Variants in NEGR1 observed in about 807,000 individuals in gnomAD.
NEGR1 encodes neuronal growth regulator 1, also known as IgLON family member 4.
NEGR1 carries 10 observed loss-of-function variants against 40.9 expected under a neutral mutation model. The observed-to-expected ratio is 0.24, with a 90% CI of 0.15 to 0.42. The LOEUF (loss-of-function observed/expected upper bound fraction) is 0.42. Ranked by LOEUF, NEGR1 falls within the 10% of genes least tolerant of loss-of-function variation. The pLI is 1.00. For missense variants in NEGR1, 352 were observed against 438.9 expected, an observed-to-expected ratio of 0.80 and a Z score of 1.77; for synonymous variants, 185 against 166.8, an observed-to-expected ratio of 1.11 and a Z score of -0.84.
chr1:72,119,997 A>C (rs1249311670), intron 1 of NEGR1, among the ~76,000 whole-genome samples: 1 of 151,980 alleles, frequency 6.6e-6, no homozygotes, highest in African/African-American at 2.4e-5. Flanking sequence ...ACGAAAAATG[A>C]CTCAAATGAA....
intron 1 of NEGR1, among the ~76,000 whole-genome samples, chr1:72,035,072 AG>A (rs551496724): frequency 5.9e-5 from 9 of 152,116 alleles, no homozygotes; most frequent in Non-Finnish European, 1.0e-4. Context: ...ATAAAAGACT[AG>A]GGTGGGAGGG....
intron 1 of NEGR1, among the ~76,000 whole-genome samples, chr1:72,064,986 C>G (rs1647238196): frequency 6.6e-6 from 1 of 151,952 alleles, no homozygotes; most frequent in Admixed American, 6.6e-5. Flanking sequence ...ATTTTCACAT[C>G]TAACTGTAAT....
intron 1 of NEGR1, among the ~76,000 whole-genome samples, chr1:72,133,679 T>C (rs1650340430): frequency 6.6e-6 from 1 of 151,672 alleles, no homozygotes; most frequent in Non-Finnish European, 1.5e-5. Context: ...TATTTTTAGG[T>C]AAAAACTGAA....
chr1:72,146,346 A>G (rs1024531257), intron 1 of NEGR1, among the ~76,000 whole-genome samples: 16 of 152,284 alleles, frequency 1.1e-4, no homozygotes, highest in African/African-American at 3.8e-4. Flanking sequence ...TACCCTGAAC[A>G]CATTATTTTT....
At chr1:71,410,014 G>A (rs979737859) in intron 6 of NEGR1, among the ~76,000 whole-genome samples, 2 of 152,024 alleles carry the variant, frequency 1.3e-5, no homozygotes, top group African/African-American at 4.8e-5. Context: ...GCCTTCCCCA[G>A]TGTAGCTGTA....
intron 6 of NEGR1, chr1:71,486,943 A>G (rs770701220): frequency 1.3e-5 from 2 of 151,536 alleles, no homozygotes; most frequent in Non-Finnish European, 3.0e-5. Flanking sequence ...GGAGACACTG[A>G]TCAAGCAGAG....
At chr1:71,446,303 A>G (rs1326650430) in intron 6 of NEGR1, among the ~76,000 whole-genome samples, 2 of 152,194 alleles carry the variant, frequency 1.3e-5, no homozygotes, top group African/African-American at 4.8e-5. Flanking sequence ...TTGTTCTGAG[A>G]TAACCGTCTC....
At chr1:71,601,193 A>G (rs899885621) in intron 5 of NEGR1, among the ~76,000 whole-genome samples, 2 of 152,242 alleles carry the variant, frequency 1.3e-5, no homozygotes, top group Non-Finnish European at 2.9e-5. Flanking sequence ...AAGACATACA[A>G]GCTGCCAACA....
At chr1:72,036,954 G>T (rs1359853155) in intron 1 of NEGR1, among the ~76,000 whole-genome samples, 1 of 152,036 alleles carries the variant, frequency 6.6e-6, no homozygotes, top group East Asian at 1.9e-4. Context: ...AAAAATGGAT[G>T]ATGTAAATCC....
chr1:71,861,257 T>C (rs1476542891), intron 2 of NEGR1, among the ~76,000 whole-genome samples: 1 of 151,726 alleles, frequency 6.6e-6, no homozygotes, highest in Non-Finnish European at 1.5e-5. Context: ...CCTCCTGGAG[T>C]TGTCATGAGA....
chr1:71,512,762 A>T (rs1347296495), intron 6 of NEGR1, among the ~76,000 whole-genome samples: 1 of 151,488 alleles, frequency 6.6e-6, no homozygotes, highest in Non-Finnish European at 1.5e-5. Context: ...TTGCATTTTT[A>T]GTAGAGACAG....
rs151056130 is a variant in NEGR1, at chr1:72,162,846, T to C, written c.176+119473A>G. On this transcript the variant is annotated intron_variant, in intron 1 of 6. Transcript: ENST00000357731. ...AAGTGACTGTTCATTAAACAACAAA[T>C]ACTTTTTTGCATATCTCTATAATAA... is the stretch of plus-strand genomic sequence containing the variant. 1.7e-3 allele frequency among the ~76,000 whole-genome samples: 255 copies of C among 152,272 alleles called. 1 individual carries two copies. Among genetic ancestry groups the C allele is most frequent in the Non-Finnish European group, 6.5e-4 (44 of 68,010 alleles).
intron 6 of NEGR1, among the ~76,000 whole-genome samples, chr1:71,419,071 G>A (rs1329019293): frequency 6.6e-6 from 1 of 152,170 alleles, no homozygotes; most frequent in Non-Finnish European, 1.5e-5. Flanking sequence ...AGGGTCCCTA[G>A]TAGGATGGAG....
Position 71,784,718 on chromosome 1 carries a change from G to T in NEGR1, c.410-8421C>A, listed in dbSNP as rs532954254. Among the ~76,000 whole-genome samples the T allele has an allele frequency of 3.3e-5, 5 of 152,224 alleles. No homozygotes were observed. In the East Asian group the frequency reaches 9.6e-4, roughly 29 times the overall value. ...TCTTCTCTGGACTCTCTAATGCATGGATTATGCAAAGGCATAACAATTTGC... is the reference window on the plus strand; with the variant it reads ...TCTTCTCTGGACTCTCTAATGCATGTATTATGCAAAGGCATAACAATTTGC... On this transcript the variant is annotated intron_variant, in intron 2 of 6. Transcript: ENST00000357731.
rs565935907 is a variant in NEGR1, at chr1:71,714,875, G to A, written c.536-16736C>T. 3.9e-5 allele frequency among the ~76,000 whole-genome samples: 6 copies of A among 152,234 alleles called. No homozygotes were observed. The South Asian group carries it at 1.0e-3, about 26-fold the overall frequency. On this transcript the variant is annotated intron_variant, in intron 3 of 6. Coordinates refer to ENST00000357731, the MANE Select transcript of NEGR1 (RefSeq NM_173808.3). ...GCTGTTGGTGGATCTACCATTCTGG[G>A]GTCTGGAAGACAGTGGCCCTCTTCC... is the stretch of plus-strand genomic sequence containing the variant.
At chr1:71,639,388 G>A (rs966142416) in intron 4 of NEGR1, among the ~76,000 whole-genome samples, 8 of 151,998 alleles carry the variant, frequency 5.3e-5, no homozygotes, top group Admixed American at 2.0e-4. Flanking sequence ...CAACAAAGCC[G>A]TATCTCATCA....
intron 6 of NEGR1, among the ~76,000 whole-genome samples, chr1:71,488,636 A>G (rs912119399): frequency 1.3e-5 from 2 of 151,674 alleles, no homozygotes; most frequent in Non-Finnish European, 2.9e-5. Flanking sequence ...ATTTTTAGCT[A>G]TATTATCCAA....
At chr1:71,846,575 A>G (rs1299055999) in intron 2 of NEGR1, among the ~76,000 whole-genome samples, 1 of 152,146 alleles carries the variant, frequency 6.6e-6, no homozygotes, top group Non-Finnish European at 1.5e-5. Flanking sequence ...AATTCCACAC[A>G]TATTACTTTC....
At chr1:71,774,845 T>C (rs1263405635) in intron 3 of NEGR1, among the ~76,000 whole-genome samples, 1 of 152,214 alleles carries the variant, frequency 6.6e-6, no homozygotes, top group Non-Finnish European at 1.5e-5. Flanking sequence ...ATTGTGACTT[T>C]GAAAACAGAC....
Sources: gnomAD v4.1 joint callset for allele counts (sites outside exome capture counted in the v4.1 genomes callset) on GRCh38, gnomAD v4.1.1 for gene constraint, MANE v1.5 for transcripts, NCBI Gene and HGNC (gene_info 2026-07-23, HGNC 2026-07-21) for gene names.